Variants in MAPKAP1 observed in about 807,000 individuals in gnomAD.
MAPKAP1 encodes MAPK associated protein 1, also known as target of rapamycin complex 2 subunit MAPKAP1.
MAPKAP1 carries 20 observed loss-of-function variants against 65.7 expected under a neutral mutation model. The ratio of observed to expected loss-of-function variants is 0.30; its 90% CI spans 0.21 to 0.44. The LOEUF (loss-of-function observed/expected upper bound fraction) is 0.44. Among genes scored for constraint, MAPKAP1 ranks in the 20% least tolerant of loss-of-function variants. The probability of loss-of-function intolerance (pLI) is 1.00; values close to 1 mark genes in which losing one functional copy is unlikely to be tolerated. For missense variants in MAPKAP1, 423 were observed against 648.0 expected, an observed-to-expected ratio of 0.65 and a Z score of 3.77; for synonymous variants, 222 against 244.3, an observed-to-expected ratio of 0.91 and a Z score of 0.85.
At chr9:125,448,700 T>C (rs1852812280) in intron 10 of MAPKAP1, among the ~76,000 whole-genome samples, 1 of 152,078 alleles carries the variant, frequency 6.6e-6, no homozygotes, top group East Asian at 1.9e-4. Context: ...GCTGAGACAC[T>C]AGTTGTAAAA....
intron 1 of MAPKAP1, among the ~76,000 whole-genome samples, chr9:125,681,010 A>G (rs1834806805): frequency 6.6e-6 from 1 of 151,864 alleles, no homozygotes; most frequent in Admixed American, 6.5e-5. Context: ...CTTTTCATGT[A>G]ACAACATATT....
At chr9:125,521,551 G>A in intron 7 of MAPKAP1, 1 of 1,371,734 alleles carries the variant, frequency 7.3e-7, no homozygotes, top group East Asian at 2.9e-5. Flanking sequence ...TCAAATAAAT[G>A]CCAAAACTGG....
rs532024903 is a variant in MAPKAP1, at chr9:125,501,006, C to T, written c.1066+5304G>A. 3.3e-5 allele frequency among the ~76,000 whole-genome samples: 5 copies of T among 152,212 alleles called. No homozygotes were observed. In the South Asian group the frequency reaches 6.2e-4, roughly 19 times the overall value. Reference sequence around the variant, plus strand: ...TATTGGTGTAACTTTTCCTTTGGCTCACTATGGTATGGTACTAGATATGGT... The same window carrying T: ...TATTGGTGTAACTTTTCCTTTGGCTTACTATGGTATGGTACTAGATATGGT... On this transcript the variant is annotated intron_variant, in intron 8 of 11. Coordinates refer to ENST00000265960, the MANE Select transcript of MAPKAP1 (RefSeq NM_001006617.3).
intron 4 of MAPKAP1, among the ~76,000 whole-genome samples, chr9:125,630,706 T>C (rs1232224313): frequency 6.6e-6 from 1 of 152,162 alleles, no homozygotes; most frequent in African/African-American, 2.4e-5. Flanking sequence ...TCAAACCTTA[T>C]GTTGAAATCT....
At chr9:125,631,360 C>T (rs1833274277) in intron 4 of MAPKAP1, among the ~76,000 whole-genome samples, 1 of 152,210 alleles carries the variant, frequency 6.6e-6, no homozygotes. Context: ...TTGCTCTGTC[C>T]AGCCTGGCAG....
intron 8 of MAPKAP1, among the ~76,000 whole-genome samples, chr9:125,488,354 T>C (rs1854573629): frequency 6.8e-6 from 1 of 147,450 alleles, no homozygotes; most frequent in Admixed American, 6.8e-5. Flanking sequence ...GGAGTTCCAG[T>C]GTCATTTCTT....
rs567356027 is a variant in MAPKAP1 at position 125,438,747 on chromosome 9, C to A, written c.*140G>T. 7 of 1,197,370 alleles carry A rather than the reference C, an allele frequency of 5.8e-6. No individual in the cohort carries two copies. The East Asian group carries it at 7.1e-5, about 12-fold the overall frequency. 74.2% of individuals were successfully genotyped at this position (1,197,370 alleles called of 1,614,324 possible). ...CCTAGGGGGCCCCCGACACCTTCCCCGAGAGCCCACCTGCCCTGTGCCAGT... is the reference window on the plus strand; with the variant it reads ...CCTAGGGGGCCCCCGACACCTTCCCAGAGAGCCCACCTGCCCTGTGCCAGT... On this transcript the variant is annotated 3_prime_UTR_variant, in exon 12 of 12. Coordinates refer to ENST00000265960, the MANE Select transcript of MAPKAP1 (RefSeq NM_001006617.3).
intron 4 of MAPKAP1, among the ~76,000 whole-genome samples, chr9:125,618,749 T>C (rs901940312): frequency 6.6e-6 from 1 of 152,198 alleles, no homozygotes; most frequent in African/African-American, 2.4e-5. Context: ...CTATTTAATA[T>C]AGATTCTCAT....
rs142322480 is a variant in MAPKAP1, at chr9:125,490,495, C to T, written c.1067-5912G>A. ...CAGAGGTTGCAGTGAACCAAGATTG[C>T]GCCACTGCACTCCAGCCTGGGCAAC... On this transcript the variant is annotated intron_variant, in intron 8 of 11. Transcript: ENST00000265960. Among the ~76,000 whole-genome samples the T allele has an allele frequency of 3.5e-3, 528 of 152,042 alleles. 2 individuals are homozygous for T. The highest frequency in any genetic ancestry group is 6.8e-3 in the Middle Eastern group (2 of 294).
At chr9:125,502,412 C>T (rs1589240640) in intron 8 of MAPKAP1, among the ~76,000 whole-genome samples, 2 of 152,150 alleles carry the variant, frequency 1.3e-5, no homozygotes, top group East Asian at 3.9e-4. Flanking sequence ...AGCCTTTCTT[C>T]TTTTGTGATA....
intron 6 of MAPKAP1, among the ~76,000 whole-genome samples, chr9:125,549,950 G>A (rs1054713485): frequency 3.9e-5 from 6 of 152,118 alleles, no homozygotes; most frequent in East Asian, 1.9e-4. Flanking sequence ...AAAACACACC[G>A]TGGGCTACTT....
intron 6 of MAPKAP1, among the ~76,000 whole-genome samples, chr9:125,556,992 A>G (rs2133205236): frequency 6.6e-6 from 1 of 152,374 alleles, no homozygotes; most frequent in South Asian, 2.1e-4. Context: ...AACACTCCAG[A>G]CACATCAAAT....
intron 1 of MAPKAP1, among the ~76,000 whole-genome samples, chr9:125,694,538 G>A (rs1564620838): frequency 6.6e-6 from 1 of 152,082 alleles, no homozygotes; most frequent in Non-Finnish European, 1.5e-5. Context: ...AAAAAAGGCA[G>A]AAAAGTATGC....
chr9:125,632,756 T>C (rs369673342), intron 4 of MAPKAP1, among the ~76,000 whole-genome samples: 9 of 152,172 alleles, frequency 5.9e-5, no homozygotes, highest in Admixed American at 2.0e-4. Context: ...GACCTACAGC[T>C]TGCCACGAAA....
intron 5 of MAPKAP1, among the ~76,000 whole-genome samples, chr9:125,576,690 TG>T (rs1053237445): frequency 4.2e-4 from 64 of 152,322 alleles, no homozygotes; most frequent in African/African-American, 1.2e-3. Flanking sequence ...GACTGGTTTT[TG>T]TATTTTTTTG....
At chr9:125,691,085 C>G (rs900141354) in intron 1 of MAPKAP1, among the ~76,000 whole-genome samples, 3 of 152,228 alleles carry the variant, frequency 2.0e-5, no homozygotes, top group Non-Finnish European at 2.9e-5. Flanking sequence ...CACGGTGAAA[C>G]CCCGTCTCTA....
chr9:125,532,766 C>T (rs946475716), intron 7 of MAPKAP1, among the ~76,000 whole-genome samples: 16 of 152,286 alleles, frequency 1.1e-4, no homozygotes, highest in East Asian at 3.9e-4. Flanking sequence ...CAAAATAAAC[C>T]GGTTAAGGGG....
intron 4 of MAPKAP1, among the ~76,000 whole-genome samples, chr9:125,632,228 A>C (rs1589364645): frequency 2.6e-5 from 1 of 39,094 alleles, no homozygotes; most frequent in South Asian, 1.4e-3. Context: ...TCTCAAAGAA[A>C]AAAAAAAAAG....
At chr9:125,536,725 T>C (rs1246531566) in intron 7 of MAPKAP1, among the ~76,000 whole-genome samples, 1 of 152,218 alleles carries the variant, frequency 6.6e-6, no homozygotes, top group Non-Finnish European at 1.5e-5. Context: ...ACCAATTGCA[T>C]GTGAAGTAGG....
Sources: allele counts gnomAD v4.1 joint callset (sites outside exome capture counted in the v4.1 genomes callset), GRCh38; gene constraint gnomAD v4.1.1; transcripts MANE v1.5; gene names NCBI Gene and HGNC (gene_info 2026-07-23, HGNC 2026-07-21).